Variants in STYXL1 observed in about 807,000 individuals in gnomAD.
The protein encoded by STYXL1 is serine/threonine/tyrosine interacting like 1, also known as serine/threonine/tyrosine-interacting-like protein 1.
Under a neutral mutation model 36.4 loss-of-function variants are expected in STYXL1, and 32 were observed. The observed-to-expected ratio is 0.88, with a 90% CI of 0.66 to 1.18. The LOEUF is 1.18. Ranked by LOEUF, STYXL1 falls within the 50% of genes most tolerant of loss-of-function variation. The pLI is 0.00. For synonymous variants in STYXL1, 133 were observed against 144.1 expected (o/e 0.92, Z 0.55); for missense variants, 354 against 394.1 (o/e 0.90, Z 0.86).
chr7:76,023,551 T>C (rs1284289222), intron 3 of STYXL1, among the ~76,000 whole-genome samples: 1 of 151,938 alleles, frequency 6.6e-6, no homozygotes, highest in African/African-American at 2.4e-5. Context: ...TATATCTATA[T>C]ATATAGATAT....
chr7:76,007,611 A>G (rs1327944726), intron 5 of STYXL1, among the ~76,000 whole-genome samples: 3 of 152,070 alleles, frequency 2.0e-5, no homozygotes, highest in African/African-American at 7.2e-5. Flanking sequence ...AACAACACGT[A>G]CATTAGCAAT....
rs71082378 is a variant in STYXL1 at position 76,036,782 on chromosome 7, C to CTTT, written c.-4-6258_-4-6256dup. ...AGGACTCTTTCAACACAGTATAGCT[C>CTTT]TTTTTTTTTTTTTTTTTTTTGAGAC... On this transcript the variant is annotated intron_variant, in intron 1 of 8. Transcript: ENST00000359697. Among the ~76,000 whole-genome samples the CTTT allele has an allele frequency of 9.1e-3, 921 of 101,504 alleles. 41 individuals carry two copies. The highest frequency in any genetic ancestry group is 0.023 in the African/African-American group (646 of 28,492). 66.6% of individuals were successfully genotyped at this position (101,504 alleles called of 152,430 possible).
chr7:76,047,917 CA>C lies in STYXL1; in HGVS notation c.-261del, dbSNP rs1196712347. 1.4e-6 allele frequency: 2 copies of C among 1,424,162 alleles called. No homozygotes were observed. The highest frequency in any genetic ancestry group is 2.9e-5 in the African/African-American group (2 of 68,862). 88.2% of individuals were successfully genotyped at this position (1,424,162 alleles called of 1,614,324 possible). A position where few individuals can be genotyped will look rare whatever the true frequency, so the allele number is the denominator to read the frequency against. On this transcript the variant is annotated 5_prime_UTR_variant, in exon 1 of 9. Transcript: ENST00000359697. ...CTCCGACCGCAGGTCCCCCACCGGCCACACAGACGGCTACGCTAGAACCCAG... is the reference window on the plus strand; with the variant it reads ...CTCCGACCGCAGGTCCCCCACCGGCCCACAGACGGCTACGCTAGAACCCAG...
chr7:76,007,586 G>A (rs908376759), intron 5 of STYXL1, among the ~76,000 whole-genome samples: 37 of 152,082 alleles, frequency 2.4e-4, no homozygotes, highest in African/African-American at 8.9e-4. Flanking sequence ...CTGTATCTAT[G>A]ATTCCTCTCT....
At chr7:76,034,245 G>T (rs1314664542) in intron 1 of STYXL1, among the ~76,000 whole-genome samples, 1 of 151,468 alleles carries the variant, frequency 6.6e-6, no homozygotes, top group South Asian at 2.1e-4. Context: ...TGGAACTACA[G>T]GCACATGCCA....
At chr7:76,030,322 T>G in intron 2 of STYXL1, 99 bp downstream of exon 2, 15 of 845,812 alleles carry the variant, frequency 1.8e-5, no homozygotes, top group Non-Finnish European at 2.3e-5. Context: ...TCTAAAGTCA[T>G]TCACTGCCCC....
At chr7:76,017,894 G>GA (rs1269806183) in intron 4 of STYXL1, among the ~76,000 whole-genome samples, 4 of 56,452 alleles carry the variant, frequency 7.1e-5, no homozygotes, top group Admixed American at 1.9e-4. Flanking sequence ...CAAGACAGAA[G>GA]AAAAAAGAAA....
chr7:76,038,958 T>TC (rs1796215083), intron 1 of STYXL1, among the ~76,000 whole-genome samples: 1 of 146,200 alleles, frequency 6.8e-6, no homozygotes, highest in South Asian at 2.1e-4. Context: ...AATTTTTTTT[T>TC]TTTTTTTGAG....
chr7:76,010,523 G>T lies in STYXL1; in HGVS notation c.453+3219C>A, dbSNP rs1457497803. Among the ~76,000 whole-genome samples the T allele has an allele frequency of 2.8e-4, 42 of 152,126 alleles. 1 individual carries two copies. Among genetic ancestry groups the T allele is most frequent in the Non-Finnish European group, 2.9e-5 (2 of 68,018 alleles). On this transcript the variant is annotated intron_variant, in intron 5 of 8. Coordinates refer to ENST00000359697, the MANE Select transcript of STYXL1 (RefSeq NM_001317785.2). ...CAGGGGTTGAAGGGAGTCACCACTG[G>T]CTGCGTTCTCTGGGAGATCCTCAGC...
intron 7 of STYXL1, 120 bp downstream of exon 7, chr7:76,003,638 C>A (rs2116775299): frequency 2.3e-6 from 2 of 880,494 alleles, no homozygotes; most frequent in Non-Finnish European, 3.5e-6. Context: ...CCGAGCTGGG[C>A]CCTTTCTCTC....
intron 1 of STYXL1, among the ~76,000 whole-genome samples, chr7:76,047,202 A>C (rs1207222246): frequency 6.6e-6 from 1 of 152,066 alleles, no homozygotes; most frequent in Non-Finnish European, 1.5e-5. Context: ...CAGAGGTTGC[A>C]GTGAGCCAAG....
In STYXL1 at chr7:76,036,318, C is replaced by A. The variant is rs782009356; in HGVS notation, c.-4-5791G>T. On this transcript the variant is annotated intron_variant, in intron 1 of 8. Coordinates refer to ENST00000359697, the MANE Select transcript of STYXL1 (RefSeq NM_001317785.2). ...GTTTCACCATGTTGGCCAGGCTGGCCTCGAACTCCTGACCTCAGGTGATCT... is the reference window on the plus strand; with the variant it reads ...GTTTCACCATGTTGGCCAGGCTGGCATCGAACTCCTGACCTCAGGTGATCT... Among the ~76,000 whole-genome samples the A allele has an allele frequency of 1.2e-4, 18 of 149,692 alleles. 1 individual carries two copies. Among genetic ancestry groups the A allele is most frequent in the Non-Finnish European group, 1.8e-4 (12 of 66,958 alleles).
intron 4 of STYXL1, among the ~76,000 whole-genome samples, chr7:76,018,534 G>C (rs1793671033): frequency 6.6e-6 from 1 of 152,108 alleles, no homozygotes; most frequent in African/African-American, 2.4e-5. Context: ...GGGATTACAG[G>C]CACATGCCAC....
intron 1 of STYXL1, among the ~76,000 whole-genome samples, chr7:76,042,390 CTTTTTTTTTT>C (rs528469396): frequency 2.1e-3 from 86 of 41,822 alleles, no homozygotes; most frequent in African/African-American, 3.8e-3. Flanking sequence ...CCCTTATGTG[CTTTTTTTTTT>C]TTTTTTTTTT....
chr7:76,015,779 A>C (rs1793222703), intron 4 of STYXL1, among the ~76,000 whole-genome samples: 1 of 152,228 alleles, frequency 6.6e-6, no homozygotes, highest in South Asian at 2.1e-4. Flanking sequence ...AAGGAGATTA[A>C]CATTTGAGTC....
At chr7:76,013,330 A>C (rs1792824980) in intron 5 of STYXL1, among the ~76,000 whole-genome samples, 1 of 151,456 alleles carries the variant, frequency 6.6e-6, no homozygotes, top group Non-Finnish European at 1.5e-5. Flanking sequence ...CGTCTCAAAA[A>C]AAAAAAAAAA....
Position 76,019,770 on chromosome 7 carries a change from C to T in STYXL1, c.307+2081G>A, listed in dbSNP as rs1350812416. Among the ~76,000 whole-genome samples the T allele has an allele frequency of 4.6e-5, 7 of 151,982 alleles. No homozygotes were observed. In the East Asian group the frequency reaches 1.4e-3, roughly 30 times the overall value. On this transcript the variant is annotated intron_variant, in intron 4 of 8. Transcript: ENST00000359697. ...AATCTGCAGCTCTCAAGACAGGAGC[C>T]AAAGCTCACCCCACAGGGCCTGGCT...
intron 7 of STYXL1, among the ~76,000 whole-genome samples, chr7:76,003,357 T>C (rs1359451115): frequency 6.6e-6 from 1 of 152,106 alleles, no homozygotes; most frequent in Non-Finnish European, 1.5e-5. Flanking sequence ...TCCACCGACA[T>C]CCCACAGACC....
chr7:76,034,564 C>A (rs565458449), intron 1 of STYXL1, among the ~76,000 whole-genome samples: 1 of 152,180 alleles, frequency 6.6e-6, no homozygotes, highest in Non-Finnish European at 1.5e-5. Flanking sequence ...AGAATGCCCC[C>A]GGGCTTACTT....
Sources: gnomAD v4.1 joint callset for allele counts (sites outside exome capture counted in the v4.1 genomes callset) on GRCh38, gnomAD v4.1.1 for gene constraint, MANE v1.5 for transcripts, NCBI Gene and HGNC (gene_info 2026-07-23, HGNC 2026-07-21) for gene names.